Variants in NRG2 observed in about 807,000 individuals in gnomAD.
NRG2 encodes pro-neuregulin-2, membrane-bound isoform.
In NRG2, 27 loss-of-function variants were observed where a neutral mutation model predicts 73.9. The ratio of observed to expected loss-of-function variants is 0.37; its 90% CI spans 0.27 to 0.50. The LOEUF is 0.50. NRG2 is among the 20% of genes least tolerant of loss of function. NRG2 has a pLI of 0.96. For synonymous variants in NRG2, 532 were observed against 541.0 expected (o/e 0.98, Z 0.23); for missense variants, 1,126 against 1,210.1 (o/e 0.93, Z 1.03).
intron 1 of NRG2, among the ~76,000 whole-genome samples, chr5:139,995,604 T>A (rs1035672100): frequency 6.6e-6 from 1 of 152,020 alleles, no homozygotes; most frequent in Admixed American, 6.5e-5. Flanking sequence ...CAACTTGTCT[T>A]CAGAAACTGA....
At chr5:139,873,334 C>T (rs947643288) in intron 3 of NRG2, among the ~76,000 whole-genome samples, 1 of 152,164 alleles carries the variant, frequency 6.6e-6, no homozygotes, top group African/African-American at 2.4e-5. Context: ...CTGATCTTTG[C>T]CCCACTTCTG....
At chr5:139,899,681 T>TC (rs1303984759) in intron 1 of NRG2, among the ~76,000 whole-genome samples, 1 of 152,210 alleles carries the variant, frequency 6.6e-6, no homozygotes, top group African/African-American at 2.4e-5. Context: ...TCGACCCACT[T>TC]ATCTTTGTAT....
At chr5:140,012,706 T>C (rs145867676) in intron 1 of NRG2, among the ~76,000 whole-genome samples, 1 of 152,326 alleles carries the variant, frequency 6.6e-6, no homozygotes, top group African/African-American at 2.4e-5. Flanking sequence ...CTTAACAGGA[T>C]TTAAATTCAT....
chr5:139,997,587 C>T (rs1177305285), intron 1 of NRG2, among the ~76,000 whole-genome samples: 1 of 152,206 alleles, frequency 6.6e-6, no homozygotes, highest in East Asian at 1.9e-4. Flanking sequence ...TAATCCTAGA[C>T]TGAGGACAGA....
At chr5:139,970,732 T>G (rs1755903440) in intron 1 of NRG2, among the ~76,000 whole-genome samples, 1 of 152,080 alleles carries the variant, frequency 6.6e-6, no homozygotes, top group Admixed American at 6.5e-5. Context: ...TAGGAAGCAG[T>G]GGGAAGGCAG....
chr5:139,945,463 A>T, intron 1 of NRG2, among the ~76,000 whole-genome samples: 1 of 152,012 alleles, frequency 6.6e-6, no homozygotes, highest in Non-Finnish European at 1.5e-5. Flanking sequence ...TTGGCTGTAA[A>T]TATGTGGGTT....
chr5:139,980,349 CAA>C (rs10630492), intron 1 of NRG2, among the ~76,000 whole-genome samples: 8 of 139,950 alleles, frequency 5.7e-5, no homozygotes, highest in Admixed American at 1.4e-4. Context: ...ACAGCATCAC[CAA>C]AAAAAAAAAA....
chr5:139,900,129 C>T (rs1300357191), intron 1 of NRG2, among the ~76,000 whole-genome samples: 1 of 152,068 alleles, frequency 6.6e-6, no homozygotes, highest in Non-Finnish European at 1.5e-5. Context: ...GGCTCAGCTC[C>T]AATGTCATCT....
rs142900522 is a variant in NRG2 at position 140,019,780 on chromosome 5, ATGTGAG to A, written c.700+22584_700+22589del. 2.9e-3 allele frequency among the ~76,000 whole-genome samples: 440 copies of A among 152,278 alleles called. 4 individuals are homozygous for A. The highest frequency in any genetic ancestry group is 0.01 in the African/African-American group (424 of 41,562). ...GTCTATAGAAGTACATGCTCAATAAATGTGAGTGTCTCTTTCTTACCCCTCTTTGGG... is the reference window on the plus strand; with the variant it reads ...GTCTATAGAAGTACATGCTCAATAAATGTCTCTTTCTTACCCCTCTTTGGG... On this transcript the variant is annotated intron_variant, in intron 1 of 9. Transcript: ENST00000361474.
intron 1 of NRG2, among the ~76,000 whole-genome samples, chr5:140,015,805 G>A (rs1191808471): frequency 6.6e-6 from 1 of 152,182 alleles, no homozygotes; most frequent in Non-Finnish European, 1.5e-5. Context: ...TTTCCAGGTG[G>A]GCACACGGTG....
intron 1 of NRG2, among the ~76,000 whole-genome samples, chr5:139,968,684 A>T (rs1030933298): frequency 6.6e-6 from 1 of 152,208 alleles, no homozygotes; most frequent in Non-Finnish European, 1.5e-5. Context: ...CTGGCTCCCA[A>T]CAGGCTGTGT....
At position 139,851,866 on chromosome 5, in the gene NRG2, G is replaced by A. The variant is rs1761459605; in HGVS notation, c.1545-35C>T. ...CCAGATGGGGTGAGACGAGGGGTCA[G>A]GAAGGGGCAGGGCGGCCCAGCAGGT... On this transcript the variant is annotated intron_variant, in intron 8 of 9. Coordinates refer to ENST00000361474, the MANE Select transcript of NRG2 (RefSeq NM_004883.3). The surrounding 1 kb of genome is among the most constrained non-coding windows in gnomAD (Gnocchi z 4.2). 1 of 1,596,732 alleles carries A rather than the reference G, an allele frequency of 6.3e-7. No individual in the cohort carries two copies. The highest frequency in any genetic ancestry group is 8.6e-7 in the Non-Finnish European group (1 of 1,166,930).
intron 3 of NRG2, among the ~76,000 whole-genome samples, chr5:139,879,442 C>G (rs1316640840): frequency 6.6e-6 from 1 of 152,178 alleles, no homozygotes; most frequent in African/African-American, 2.4e-5. Flanking sequence ...CTTCCCACCC[C>G]ACTCTCCGAA....
chr5:139,978,685 C>T (rs1353508095), intron 1 of NRG2, among the ~76,000 whole-genome samples: 1 of 152,140 alleles, frequency 6.6e-6, no homozygotes, highest in Non-Finnish European at 1.5e-5. Context: ...TAAACATGCA[C>T]ATGTATGTTT....
chr5:139,937,855 A>G (rs1752960935), intron 1 of NRG2, among the ~76,000 whole-genome samples: 1 of 152,242 alleles, frequency 6.6e-6, no homozygotes, highest in African/African-American at 2.4e-5. Context: ...CTGTGAACAC[A>G]CAGAATATAT....
At chr5:139,968,552 T>C (rs1371993454) in intron 1 of NRG2, among the ~76,000 whole-genome samples, 1 of 152,126 alleles carries the variant, frequency 6.6e-6, no homozygotes, top group Non-Finnish European at 1.5e-5. Flanking sequence ...AGCACCTTCC[T>C]CCACGCCTGC....
intron 2 of NRG2, among the ~76,000 whole-genome samples, chr5:139,886,824 C>T (rs936188933): frequency 6.6e-6 from 1 of 152,170 alleles, no homozygotes; most frequent in East Asian, 1.9e-4. Flanking sequence ...AGGGGGAAAC[C>T]GTCTGAGGAA....
At chr5:140,021,061 TG>T (rs1372141758) in intron 1 of NRG2, among the ~76,000 whole-genome samples, 1 of 152,254 alleles carries the variant, frequency 6.6e-6, no homozygotes, top group African/African-American at 2.4e-5. Context: ...GTGAGCAAAC[TG>T]GTTCACAGTT....
At chr5:140,003,186 A>G (rs77894247) in intron 1 of NRG2, among the ~76,000 whole-genome samples, 85 of 152,338 alleles carry the variant, frequency 5.6e-4, no homozygotes, top group African/African-American at 1.9e-3. Context: ...CTACTTCATC[A>G]GTGGGAGTCC....
Sources: gnomAD v4.1 joint callset for allele counts (sites outside exome capture counted in the v4.1 genomes callset) on GRCh38, gnomAD v4.1.1 for gene constraint, Gnocchi (gnomAD v3.1) non-coding constraint, MANE v1.5 for transcripts, NCBI Gene and HGNC (gene_info 2026-07-23, HGNC 2026-07-21) for gene names.